Variants in PSG3 observed in about 807,000 individuals in gnomAD.
PSG3 encodes pregnancy specific beta-1-glycoprotein 3.
Under a neutral mutation model 47.5 loss-of-function variants are expected in PSG3, and 61 were observed. That is an observed-to-expected ratio of 1.28 (90% CI 1.05 to 1.59). The LOEUF is 1.59. PSG3 is among the 40% of genes most tolerant of loss of function. The probability of loss-of-function intolerance (pLI) is 0.00; values close to 1 mark genes in which losing one functional copy is unlikely to be tolerated. For missense variants in PSG3, 756 were observed against 524.0 expected, an observed-to-expected ratio of 1.44 and a Z score of -4.32; for synonymous variants, 263 against 198.4, an observed-to-expected ratio of 1.33 and a Z score of -2.74.
chr19:42,729,287 G>A lies in PSG3; in HGVS notation c.1079C>T (p.Pro360Leu), dbSNP rs1190448879. The A allele has an allele frequency of 1.2e-6, 2 of 1,614,138 alleles. No homozygotes were observed. The highest frequency in any genetic ancestry group is 1.7e-6 in the Non-Finnish European group (2 of 1,179,966). ...LYLSCFADSN[P>L]PAEYSWTING... ...AATTGTCCAAGAATATTCTGCTGGTGGGTTAGAGTCCGCGAAGCAGGACAA... is the reference window on the plus strand; with the variant it reads ...AATTGTCCAAGAATATTCTGCTGGTAGGTTAGAGTCCGCGAAGCAGGACAA... The change falls in exon 5 of 7, where the codon CCA (proline) becomes CTA (leucine). Residue 360 changes from proline to leucine, a missense_variant. By Grantham distance (98) the Pro-to-Leu change is moderately conservative. Coordinates refer to ENST00000327495, the MANE Select transcript of PSG3 (RefSeq NM_021016.4).
At chr19:42,734,215 A>C (rs929376873) in intron 2 of PSG3, 1 of 152,194 alleles carries the variant, frequency 6.6e-6, no homozygotes, top group African/African-American at 2.4e-5. Context: ...ATACAGATAA[A>C]GTGCTCCTTA....
Position 42,727,148 on chromosome 19 carries a change from T to G in PSG3, c.1243+1975A>C, listed in dbSNP as rs111355694. 2.6e-5 allele frequency among the ~76,000 whole-genome samples: 4 copies of G among 152,206 alleles called. No individual in the cohort carries two copies. The East Asian group carries it at 7.7e-4, about 29-fold the overall frequency. ...ACCCACAATAGATCAAAGATCTAAA[T>G]GTAAGGGCAAAAACTATTCAACTCT... On this transcript the variant is annotated intron_variant, in intron 5 of 6. Transcript: ENST00000327495.
chr19:42,737,610 G>A (rs1969587669), intron 2 of PSG3, among the ~76,000 whole-genome samples: 1 of 152,180 alleles, frequency 6.6e-6, no homozygotes, highest in African/African-American at 2.4e-5. Context: ...TTGACCGTTT[G>A]CTCTCACTCC....
intron 2 of PSG3, among the ~76,000 whole-genome samples, chr19:42,738,026 C>A (rs1372728768): frequency 6.6e-6 from 1 of 152,208 alleles, no homozygotes; most frequent in Admixed American, 6.5e-5. Flanking sequence ...ATCTTCTCTC[C>A]TCTGTTTCTG....
chr19:42,726,035 C>G (rs1969373248), intron 5 of PSG3, among the ~76,000 whole-genome samples: 1 of 151,638 alleles, frequency 6.6e-6, no homozygotes, highest in Admixed American at 6.6e-5. Context: ...TAGAAACACA[C>G]AAAAATATGA....
chr19:42,740,288 C>T (rs773642851), intron 1 of PSG3, 33 bp downstream of exon 1: 11 of 1,613,816 alleles, frequency 6.8e-6, no homozygotes, highest in African/African-American at 5.3e-5. Flanking sequence ...CTGCTTCCTC[C>T]TCCTGTCCTC....
rs1311920784 is a variant in PSG3 at position 42,721,870 on chromosome 19, T to C, written c.*261A>G. ...TGAAAACATTGTTTTGACTATTTAGTCCAATAAAATTGGGTTTTTTTCTTT... is the reference window on the plus strand; with the variant it reads ...TGAAAACATTGTTTTGACTATTTAGCCCAATAAAATTGGGTTTTTTTCTTT... On this transcript the variant is annotated 3_prime_UTR_variant, in exon 7 of 7. Transcript: ENST00000327495. 2.4e-6 allele frequency: 1 copy of C among 414,824 alleles called. No homozygotes were observed. Among genetic ancestry groups the C allele is most frequent in the East Asian group, 3.6e-5 (1 of 27,926 alleles). 25.7% of individuals were successfully genotyped at this position (414,824 alleles called of 1,614,324 possible).
intron 3 of PSG3, among the ~76,000 whole-genome samples, chr19:42,730,547 C>T (rs556744716): frequency 5.3e-5 from 8 of 152,310 alleles, no homozygotes; most frequent in African/African-American, 1.9e-4. Context: ...TACTGAGCAG[C>T]CTGGCCTGGG....
In PSG3 at chr19:42,740,474, C is replaced by A. The variant is rs1404158364; in HGVS notation, c.-90G>T. ...ATGGCTCTCAGCTGTGCTGTCCTTC[C>A]TCCTTCTGCGCTGAGCCTCTTCCCG... On this transcript the variant is annotated 5_prime_UTR_variant, in exon 1 of 7. It adds an upstream start codon to the 5' untranslated region. Coordinates refer to ENST00000327495, the MANE Select transcript of PSG3 (RefSeq NM_021016.4). 1.9e-6 allele frequency: 3 copies of A among 1,609,740 alleles called. No individual in the cohort carries two copies. Among genetic ancestry groups the A allele is most frequent in the South Asian group, 2.2e-5 (2 of 90,646 alleles).
chr19:42,732,505 C>T (rs965624376), intron 3 of PSG3: 62 of 729,120 alleles, frequency 8.5e-5, no homozygotes, highest in Non-Finnish European at 1.2e-4. Context: ...AGCCAAATCC[C>T]TGCTGTGTTC....
At chr19:42,724,688 G>T (rs1969348330) in intron 5 of PSG3, among the ~76,000 whole-genome samples, 1 of 151,688 alleles carries the variant, frequency 6.6e-6, no homozygotes, top group Non-Finnish European at 1.5e-5. Context: ...CTTCATGCCT[G>T]CCCCACATTC....
chr19:42,739,215 A>C (rs1969624473), intron 1 of PSG3, 126 bp from the exon 2 acceptor site: 3 of 1,305,242 alleles, frequency 2.3e-6, no homozygotes, highest in African/African-American at 1.5e-5. Context: ...CACACATACA[A>C]ACACACACAC....
intron 1 of PSG3, among the ~76,000 whole-genome samples, chr19:42,739,787 G>T (rs74321541): frequency 6.6e-6 from 1 of 151,618 alleles, no homozygotes; most frequent in Non-Finnish European, 1.5e-5. Flanking sequence ...TTCAAAATGT[G>T]GTGGCCCCTG....
intron 5 of PSG3, 127 bp from the exon 6 acceptor site, chr19:42,724,152 G>T: frequency 7.1e-7 from 1 of 1,407,380 alleles, no homozygotes; most frequent in Non-Finnish European, 9.6e-7. Flanking sequence ...TATTTCTGTT[G>T]GAAAATTGAT....
chr19:42,729,021 T>A, intron 5 of PSG3, 102 bp downstream of exon 5: 1 of 1,599,134 alleles, frequency 6.3e-7, no homozygotes, highest in Non-Finnish European at 8.5e-7. Flanking sequence ...CTTGTGCCCA[T>A]GGGACACAGG....
At chr19:42,723,873 G>A (rs1305397442) in intron 6 of PSG3, 69 bp downstream of exon 6, 4 of 1,253,566 alleles carry the variant, frequency 3.2e-6, no homozygotes, top group Non-Finnish European at 4.7e-6. Context: ...AGGCAAATAA[G>A]TCTTTTCCCT....
intron 2 of PSG3, chr19:42,734,300 G>A (rs181731560): frequency 6.6e-6 from 1 of 152,274 alleles, no homozygotes; most frequent in African/African-American, 2.4e-5. Flanking sequence ...ACATGTACTG[G>A]TTTAGCATCC....
chr19:42,735,397 C>T (rs985810522), intron 2 of PSG3, among the ~76,000 whole-genome samples: 2 of 151,800 alleles, frequency 1.3e-5, no homozygotes, highest in Admixed American at 6.6e-5. Context: ...GACAGAGTCT[C>T]GCTCTGTCAC....
intron 1 of PSG3, 136 bp from the exon 2 acceptor site, chr19:42,739,225 C>G (rs1969624847): frequency 7.4e-7 from 1 of 1,343,298 alleles, no homozygotes; most frequent in Admixed American, 2.3e-5. Context: ...AACACACACA[C>G]ACACACAAAA....
Sources: allele counts gnomAD v4.1 joint callset (sites outside exome capture counted in the v4.1 genomes callset), GRCh38; gene constraint gnomAD v4.1.1; transcripts MANE v1.5; gene names NCBI Gene and HGNC (gene_info 2026-07-23, HGNC 2026-07-21).